The following SNRPA1 variants were observed in gnomAD, a reference collection of about 807,000 sequenced individuals.
The protein encoded by SNRPA1 is small nuclear ribonucleoprotein polypeptide A', also known as U2 small nuclear ribonucleoprotein A'.
In SNRPA1, 5 loss-of-function variants were observed where a neutral mutation model predicts 32.3. That is an observed-to-expected ratio of 0.15 (90% confidence interval 0.08 to 0.33). SNRPA1 has a LOEUF of 0.33. Among genes scored for constraint, SNRPA1 ranks in the 10% least tolerant of loss-of-function variants. SNRPA1 has a pLI of 1.00. For missense variants in SNRPA1, 198 were observed against 311.1 expected (o/e 0.64, Z 2.74); for synonymous variants, 111 against 120.1 (o/e 0.92, Z 0.50).
chr15:101,283,033 G>A (rs974643667), intron 8 of SNRPA1, among the ~76,000 whole-genome samples: 4 of 151,590 alleles, frequency 2.6e-5, no homozygotes, highest in Admixed American at 2.0e-4. Flanking sequence ...AGAGACGTGT[G>A]CCCGAGGAGT....
chr15:101,290,353 A>G (rs116223149), intron 3 of SNRPA1, among the ~76,000 whole-genome samples: 2,569 of 152,302 alleles, frequency 0.017, 77 homozygotes, highest in African/African-American at 0.059. Flanking sequence ...AGCACCTATC[A>G]TGAGACACAT....
At chr15:101,290,480 C>CTA (rs2039510926) in intron 3 of SNRPA1, among the ~76,000 whole-genome samples, 2 of 152,242 alleles carry the variant, frequency 1.3e-5, no homozygotes, top group African/African-American at 4.8e-5. Flanking sequence ...CTGAAGGATG[C>CTA]TATGGACCTT....
chr15:101,287,265 A>T (rs2039466462), intron 4 of SNRPA1, among the ~76,000 whole-genome samples: 1 of 152,114 alleles, frequency 6.6e-6, no homozygotes, highest in Non-Finnish European at 1.5e-5. Flanking sequence ...TACATGTGCC[A>T]TGTTGGTGGG....
At chr15:101,287,591 C>A in intron 4 of SNRPA1, 65 bp downstream of exon 4, 2 of 1,359,278 alleles carry the variant, frequency 1.5e-6, no homozygotes, top group South Asian at 2.3e-5. Context: ...ACATTAAGGT[C>A]AAGGCTGGTA....
rs548732802 is a variant in SNRPA1 at position 101,288,888 on chromosome 15, C to T, written c.310-1186G>A. Among the ~76,000 whole-genome samples the T allele has an allele frequency of 4.7e-4, 72 of 152,270 alleles. 1 individual carries two copies. Among genetic ancestry groups the T allele is most frequent in the African/African-American group, 1.7e-3 (69 of 41,528 alleles). ...GCTGCAGGGGCAAGAGCAATTTGGG[C>T]CCTCACTCTTAATAGAAATCATGTC... On this transcript the variant is annotated intron_variant, in intron 3 of 8. Coordinates refer to ENST00000254193, the MANE Select transcript of SNRPA1 (RefSeq NM_003090.4).
At chr15:101,294,678 T>C (rs1010289398) in intron 1 of SNRPA1, among the ~76,000 whole-genome samples, 5 of 152,202 alleles carry the variant, frequency 3.3e-5, no homozygotes, top group African/African-American at 1.2e-4. Context: ...TTAGGAATAA[T>C]GAACACATAT....
intron 3 of SNRPA1, among the ~76,000 whole-genome samples, chr15:101,291,518 AC>A (rs906827210): frequency 1.7e-5 from 2 of 117,122 alleles, no homozygotes; most frequent in Non-Finnish European, 3.4e-5. Flanking sequence ...GAGATAGTTT[AC>A]TTTTTTTTTT....
At chr15:101,285,878 A>G in intron 6 of SNRPA1, 77 bp from the exon 7 acceptor site, 1 of 1,098,356 alleles carries the variant, frequency 9.1e-7, no homozygotes, top group Non-Finnish European at 1.4e-6. Context: ...AAAGCTTTTG[A>G]AAGTAATTCA....
intron 3 of SNRPA1, chr15:101,288,320 C>G (rs1043945581): frequency 6.7e-6 from 1 of 149,852 alleles, no homozygotes; most frequent in Non-Finnish European, 1.5e-5. Context: ...GATCTTGGCT[C>G]ACTGCAAGCT....
chr15:101,284,458 T>C (rs1411701273), intron 8 of SNRPA1, among the ~76,000 whole-genome samples: 1 of 151,982 alleles, frequency 6.6e-6, no homozygotes, highest in Admixed American at 6.6e-5. Flanking sequence ...CTTCAACTTT[T>C]ACATAAAACC....
chr15:101,284,994 G>T lies in SNRPA1; in HGVS notation c.682C>A (p.Gln228Lys). 1 of 1,613,744 alleles carries T rather than the reference G, an allele frequency of 6.2e-7. No individual in the cohort carries two copies. Among genetic ancestry groups the T allele is most frequent in the South Asian group, 1.1e-5 (1 of 91,032 alleles). ...ERLKGLLQSG[Q>K]IPGRERRSGP... ...GATCTGCGTTCTCTGCCAGGGATCT[G>T]ACCAGACTGCAGCAACCCCTTCAGC... Residue 228 changes from glutamine (Q) to lysine (K), a missense_variant, in exon 8 of 9, where the codon CAG becomes AAG. Transcript: ENST00000254193.
chr15:101,284,454 C>T (rs1002265370), intron 8 of SNRPA1, among the ~76,000 whole-genome samples: 1 of 151,604 alleles, frequency 6.6e-6, no homozygotes, highest in African/African-American at 2.4e-5. Flanking sequence ...CTAGCTTCAA[C>T]TTTTACATAA....
At chr15:101,281,846 A>G in intron 8 of SNRPA1, 64 bp from the exon 9 acceptor site, 1 of 1,494,074 alleles carries the variant, frequency 6.7e-7, no homozygotes, top group Non-Finnish European at 9.3e-7. Context: ...TTAGCATGCA[A>G]GTGTTTGTTC....
At chr15:101,287,328 TCC>T (rs1004276822) in intron 4 of SNRPA1, among the ~76,000 whole-genome samples, 4 of 152,000 alleles carry the variant, frequency 2.6e-5, no homozygotes, top group Non-Finnish European at 4.4e-5. Flanking sequence ...ATGCTTTCCC[TCC>T]CCCCTTTCCC....
At chr15:101,289,741 C>G (rs1289028560) in intron 3 of SNRPA1, 1 of 150,110 alleles carries the variant, frequency 6.7e-6, no homozygotes, top group East Asian at 1.9e-4. Flanking sequence ...ACCAGCCTGA[C>G]CAACATGGTG....
At chr15:101,288,686 A>T (rs1220440354) in intron 3 of SNRPA1, among the ~76,000 whole-genome samples, 1 of 152,232 alleles carries the variant, frequency 6.6e-6, no homozygotes, top group African/African-American at 2.4e-5. Context: ...TAAAATAGGA[A>T]CAAGTAGAGA....
At chr15:101,294,661 C>T (rs995098865) in intron 1 of SNRPA1, among the ~76,000 whole-genome samples, 6 of 152,166 alleles carry the variant, frequency 3.9e-5, no homozygotes, top group African/African-American at 1.4e-4. Context: ...TAGTTTCCTC[C>T]CTCACATTAG....
intron 2 of SNRPA1, chr15:101,292,781 A>C (rs1397338466): frequency 3.4e-6 from 1 of 290,740 alleles, no homozygotes; most frequent in Non-Finnish European, 6.3e-6. Context: ...GACTAGACTA[A>C]TGCCAGGTTA....
At chr15:101,294,405 G>A (rs1254943822) in intron 1 of SNRPA1, among the ~76,000 whole-genome samples, 1 of 152,196 alleles carries the variant, frequency 6.6e-6, no homozygotes, top group Non-Finnish European at 1.5e-5. Flanking sequence ...CCCTTTTAAA[G>A]CCGTCTCCTG....
Sources: allele counts gnomAD v4.1 joint callset (sites outside exome capture counted in the v4.1 genomes callset), GRCh38; gene constraint gnomAD v4.1.1; transcripts MANE v1.5; gene names NCBI Gene and HGNC (gene_info 2026-07-23, HGNC 2026-07-21).